Variants in SLCO5A1 observed in about 807,000 individuals in gnomAD.
SLCO5A1 encodes the protein solute carrier organic anion transporter family member 5A1.
SLCO5A1 carries 39 observed loss-of-function variants against 65.1 expected under a neutral mutation model. That is an observed-to-expected ratio of 0.60 (90% CI 0.46 to 0.78). SLCO5A1 has a LOEUF of 0.78. Among genes scored for constraint, SLCO5A1 ranks in the 30% least tolerant of loss-of-function variants. SLCO5A1 has a pLI of 0.00. For synonymous variants in SLCO5A1, 438 were observed against 415.7 expected, an observed-to-expected ratio of 1.05 and a Z score of -0.65; for missense variants, 1,029 against 1,069.4, an observed-to-expected ratio of 0.96 and a Z score of 0.53.
chr8:69,719,360 G>T (rs1815712098), intron 5 of SLCO5A1, among the ~76,000 whole-genome samples: 1 of 152,166 alleles, frequency 6.6e-6, no homozygotes, highest in Middle Eastern at 3.2e-3. Context: ...GAATCTAATG[G>T]TCGGAGCATC....
At chr8:69,785,563 G>GT (rs1819015419) in intron 2 of SLCO5A1, among the ~76,000 whole-genome samples, 1 of 152,168 alleles carries the variant, frequency 6.6e-6, no homozygotes, top group Non-Finnish European at 1.5e-5. Context: ...CTGCCAACAA[G>GT]TTATCTGAAA....
In SLCO5A1 at chr8:69,738,034, C is replaced by A; in HGVS notation, c.1423+6G>T. 1 of 1,612,782 alleles carries A rather than the reference C, an allele frequency of 6.2e-7. No individual in the cohort carries two copies. The highest frequency in any genetic ancestry group is 8.5e-7 in the Non-Finnish European group (1 of 1,179,280). On this transcript the variant is annotated splice_donor_region_variant and intron_variant, in intron 5 of 9. Coordinates refer to ENST00000260126, the MANE Select transcript of SLCO5A1 (RefSeq NM_030958.3). ...TTTTCAAGCAGCCCTAGCGGCAGTG[C>A]CTTACCAGTGTAGATGCTGGCATTG...
intron 6 of SLCO5A1, chr8:69,704,823 T>C: frequency 1.8e-6 from 1 of 554,374 alleles, no homozygotes; most frequent in Non-Finnish European, 3.2e-6. Flanking sequence ...AGTCCCTCTG[T>C]GGGGTCAGAA....
At chr8:69,737,923 G>T in intron 5 of SLCO5A1, 117 bp downstream of exon 5, 1 of 1,050,340 alleles carries the variant, frequency 9.5e-7, no homozygotes, top group Non-Finnish European at 1.3e-6. Context: ...GGGGGGAAAG[G>T]TAGCTGTTAA....
At chr8:69,767,368 A>G (rs143968376) in intron 2 of SLCO5A1, among the ~76,000 whole-genome samples, 8 of 152,202 alleles carry the variant, frequency 5.3e-5, no homozygotes, top group African/African-American at 1.4e-4. Flanking sequence ...CACATCCTAC[A>G]TAGTACTACA....
At chr8:69,781,030 A>G (rs1380485134) in intron 2 of SLCO5A1, among the ~76,000 whole-genome samples, 1 of 152,258 alleles carries the variant, frequency 6.6e-6, no homozygotes, top group Non-Finnish European at 1.5e-5. Flanking sequence ...TCTGGAAAAT[A>G]CATGCCAAAT....
chr8:69,794,967 T>C (rs1213866222), intron 2 of SLCO5A1, among the ~76,000 whole-genome samples: 2 of 152,096 alleles, frequency 1.3e-5, no homozygotes, highest in Non-Finnish European at 2.9e-5. Context: ...AAAAACCAAA[T>C]CTCACAATAA....
At chr8:69,823,183 T>C (rs2130922131) in intron 2 of SLCO5A1, among the ~76,000 whole-genome samples, 1 of 152,302 alleles carries the variant, frequency 6.6e-6, no homozygotes, top group African/African-American at 2.4e-5. Context: ...AATTATGGTC[T>C]ACATTGAGGC....
intron 6 of SLCO5A1, among the ~76,000 whole-genome samples, chr8:69,687,496 C>A (rs1814054123): frequency 6.6e-6 from 1 of 152,164 alleles, no homozygotes. Context: ...ACAATATGTA[C>A]AAACTATCTC....
intron 6 of SLCO5A1, among the ~76,000 whole-genome samples, chr8:69,694,385 C>G (rs766912063): frequency 3.3e-5 from 5 of 152,132 alleles, no homozygotes; most frequent in Non-Finnish European, 7.3e-5. Context: ...CACACTGAAC[C>G]AAACATGTAC....
intron 4 of SLCO5A1, among the ~76,000 whole-genome samples, chr8:69,743,966 T>C (rs1313812436): frequency 2.0e-5 from 3 of 152,016 alleles, no homozygotes; most frequent in Non-Finnish European, 4.4e-5. Context: ...GGAGCCACAG[T>C]GGAGTCTGCA....
chr8:69,730,390 C>G (rs1323102524), intron 5 of SLCO5A1, among the ~76,000 whole-genome samples: 2 of 152,140 alleles, frequency 1.3e-5, no homozygotes, highest in Non-Finnish European at 2.9e-5. Context: ...ATTTGGTACA[C>G]AGGGTTTTGG....
chr8:69,754,004 C>CAAAAAAAAAAAAAAAAAAAAAA (rs71556780), intron 4 of SLCO5A1, among the ~76,000 whole-genome samples: 1 of 73,490 alleles, frequency 1.4e-5, no homozygotes, highest in African/African-American at 4.8e-5. Flanking sequence ...TGACCTATCT[C>CAAAAAAAAAAAAAAAAAAAAAA]AAAAAAAAAA....
intron 2 of SLCO5A1, among the ~76,000 whole-genome samples, chr8:69,822,983 A>G (rs1820711958): frequency 6.6e-6 from 1 of 152,196 alleles, no homozygotes; most frequent in Non-Finnish European, 1.5e-5. Context: ...TGATGGCTGA[A>G]CCATGCCAAT....
At chr8:69,810,560 T>G (rs1168612512) in intron 2 of SLCO5A1, among the ~76,000 whole-genome samples, 1 of 152,158 alleles carries the variant, frequency 6.6e-6, no homozygotes, top group African/African-American at 2.4e-5. Context: ...AATCCAAACT[T>G]TATTTCAGAC....
chr8:69,748,502 G>A (rs149378179), intron 4 of SLCO5A1, among the ~76,000 whole-genome samples: 51 of 152,188 alleles, frequency 3.4e-4, no homozygotes, highest in African/African-American at 1.2e-3. Context: ...ATAATAGACA[G>A]GAAAGAAACA....
chr8:69,730,260 C>T (rs1816271804), intron 5 of SLCO5A1, among the ~76,000 whole-genome samples: 1 of 152,174 alleles, frequency 6.6e-6, no homozygotes, highest in South Asian at 2.1e-4. Context: ...TGATTCTGGA[C>T]ATGGCCAGAG....
intron 2 of SLCO5A1, among the ~76,000 whole-genome samples, chr8:69,766,924 C>T (rs1213328298): frequency 6.6e-6 from 1 of 152,206 alleles, no homozygotes; most frequent in African/African-American, 2.4e-5. Context: ...CCAGTGAACG[C>T]TCTACTGTCA....
At chr8:69,751,032 T>G (rs549996947) in intron 4 of SLCO5A1, among the ~76,000 whole-genome samples, 1 of 152,354 alleles carries the variant, frequency 6.6e-6, no homozygotes, top group South Asian at 2.1e-4. Flanking sequence ...GTTAGGATTT[T>G]AAATATATTG....
Sources: allele counts gnomAD v4.1 joint callset (sites outside exome capture counted in the v4.1 genomes callset), GRCh38; gene constraint gnomAD v4.1.1; transcripts MANE v1.5; gene names NCBI Gene and HGNC (gene_info 2026-07-23, HGNC 2026-07-21).